Variants in SLC17A1 observed in about 807,000 individuals in gnomAD.
SLC17A1 encodes solute carrier family 17 member 1, also known as sodium-dependent phosphate transport protein 1.
A neutral mutation model predicts 53.5 loss-of-function variants in SLC17A1; 51 were observed. The ratio of observed to expected loss-of-function variants is 0.95; its 90% CI spans 0.76 to 1.20. SLC17A1 has a LOEUF of 1.20. Among genes scored for constraint, SLC17A1 ranks in the 50% most tolerant of loss-of-function variants. The pLI is 0.00. For missense variants in SLC17A1, 538 were observed against 568.2 expected (o/e 0.95, Z 0.54); for synonymous variants, 179 against 198.8 (o/e 0.90, Z 0.84).
chr6:25,750,220 G>A, the SLC17A1 span, among the ~76,000 whole-genome samples: 18 of 152,148 alleles, frequency 1.2e-4, no homozygotes, highest in South Asian at 8.3e-4. Flanking sequence ...ATTTGCATAG[G>A]TGAAACATTT....
the SLC17A1 span, among the ~76,000 whole-genome samples, chr6:25,728,486 A>C: frequency 2.0e-5 from 3 of 152,088 alleles, no homozygotes; most frequent in African/African-American, 7.2e-5. Flanking sequence ...TCTTTTAACA[A>C]AATTTTGGAT....
intron 6 of SLC17A1, 51 bp from the exon 7 acceptor site, chr6:25,813,264 T>A: frequency 4.9e-6 from 7 of 1,430,086 alleles, no homozygotes; most frequent in Non-Finnish European, 6.9e-6. Context: ...GTAGTGGATC[T>A]CTTTCCCAGA....
chr6:25,812,179 T>C (rs371627639), intron 8 of SLC17A1, among the ~76,000 whole-genome samples: 8 of 152,094 alleles, frequency 5.3e-5, no homozygotes, highest in African/African-American at 1.4e-4. Flanking sequence ...AAGTATAAAA[T>C]TGAGTCAGAG....
the SLC17A1 span, among the ~76,000 whole-genome samples, chr6:25,728,736 C>T: frequency 6.6e-6 from 1 of 152,192 alleles, no homozygotes; most frequent in South Asian, 2.1e-4. Flanking sequence ...ATCCCTTGAA[C>T]CCGGGAGGCG....
chr6:25,802,719 G>A (rs1159269983), intron 10 of SLC17A1, among the ~76,000 whole-genome samples: 4 of 151,852 alleles, frequency 2.6e-5, no homozygotes, highest in African/African-American at 7.3e-5. Flanking sequence ...CTGTTAAGAA[G>A]GCAGATGTCA....
chr6:25,772,339 G>A, the SLC17A1 span, among the ~76,000 whole-genome samples: 16 of 151,936 alleles, frequency 1.1e-4, no homozygotes, highest in Non-Finnish European at 1.8e-4. Flanking sequence ...CTATCCCTCC[G>A]CACTTGATTA....
chr6:25,726,799 G>A, the SLC17A1 span: 30 of 1,345,074 alleles, frequency 2.2e-5, no homozygotes, highest in Middle Eastern at 2.2e-4. Flanking sequence ...GGCGAGACTT[G>A]GAGCTGAGGT....
chr6:25,742,203 G>A, the SLC17A1 span, among the ~76,000 whole-genome samples: 1 of 152,184 alleles, frequency 6.6e-6, no homozygotes, highest in Non-Finnish European at 1.5e-5. Flanking sequence ...CAACCAATCA[G>A]TGTTCAGCTA....
chr6:25,805,687 T>C (rs1416494834), intron 10 of SLC17A1, among the ~76,000 whole-genome samples: 1 of 151,982 alleles, frequency 6.6e-6, no homozygotes, highest in South Asian at 2.1e-4. Context: ...ATTGGAGACA[T>C]TGTAACTAAT....
At chr6:25,827,944 T>C (rs1448204930) in intron 2 of SLC17A1, among the ~76,000 whole-genome samples, 2 of 152,102 alleles carry the variant, frequency 1.3e-5, no homozygotes, top group Non-Finnish European at 2.9e-5. Context: ...TCAGCTCAAG[T>C]TCAAAACCTC....
rs1764440538 is a variant in SLC17A1 at position 25,818,595 on chromosome 6, G to T, written c.616+473C>A. On this transcript the variant is annotated intron_variant, in intron 6 of 12. Coordinates refer to ENST00000244527, the MANE Select transcript of SLC17A1 (RefSeq NM_005074.5). The stretch of plus-strand genomic sequence containing the variant: ...ACAAACCTGAAACCAAGATCAGAGA[G>T]CCGAAAGTGATTTTATCACTTATTT... Among the ~76,000 whole-genome samples, 3 of 152,270 alleles carry T rather than the reference G, an allele frequency of 2.0e-5. No individual in the cohort carries two copies. The South Asian group carries it at 6.2e-4, about 32-fold the overall frequency.
chr6:25,744,057 G>A, the SLC17A1 span, among the ~76,000 whole-genome samples: 1 of 152,142 alleles, frequency 6.6e-6, no homozygotes, highest in African/African-American at 2.4e-5. Context: ...AAGGCACTAG[G>A]GTGTGGCCAG....
At chr6:25,731,261 A>G in the SLC17A1 span, among the ~76,000 whole-genome samples, 1 of 152,204 alleles carries the variant, frequency 6.6e-6, no homozygotes, top group African/African-American at 2.4e-5. Flanking sequence ...AAAAAGCACA[A>G]GAGATGCTGC....
chr6:25,790,177 AT>A (rs1763471684), intron 12 of SLC17A1, among the ~76,000 whole-genome samples: 1 of 152,188 alleles, frequency 6.6e-6, no homozygotes, highest in Non-Finnish European at 1.5e-5. Context: ...GTTCAACTCA[AT>A]GGTTATAATG....
At chr6:25,727,253 G>A in the SLC17A1 span, 8 of 1,611,920 alleles carry the variant, frequency 5.0e-6, no homozygotes, top group African/African-American at 5.3e-5. Context: ...CTGTGTCTGA[G>A]GGCACCAAGG....
rs368987995 is a variant in SLC17A1 at position 25,811,436 on chromosome 6, C to G, written c.1140G>C (p.Leu380Phe). 1 of 1,613,798 alleles carries G rather than the reference C, an allele frequency of 6.2e-7. No individual in the cohort carries two copies. The highest frequency in any genetic ancestry group is 1.1e-5 in the South Asian group (1 of 91,034). The change falls in exon 10 of 13, where the codon TTG becomes TTC. Residue 380 changes from leucine to phenylalanine, a missense_variant. Transcript: ENST00000244527. Reference protein sequence around the residue: ...ILAGATGSFCLGGVFINGLDI... With the variant: ...ILAGATGSFCFGGVFINGLDI... ...CCAAGCCATTTATAAACACTCCACC[C>G]AAGCAAAAGCTGCCTGTTGCACCAG...
In SLC17A1 at chr6:25,813,141, A is replaced by T. The variant is rs1316057260; in HGVS notation, c.689T>A (p.Ile230Lys). 1 of 1,614,174 alleles carries T rather than the reference A, an allele frequency of 6.2e-7. No individual in the cohort carries two copies. ...GATGTATTCCTTTTCACTGATGCTT[A>T]TACATGGGTGGTCTTTGGGGTCATC... ...FYDDPKDHPC[I>K]SISEKEYITS... The change falls in exon 7 of 13, where the codon ATA becomes AAA. Residue 230 changes from isoleucine (I) to lysine (K), a missense_variant. Coordinates refer to ENST00000244527, the MANE Select transcript of SLC17A1 (RefSeq NM_005074.5).
chr6:25,823,634 A>G (rs925885464), intron 3 of SLC17A1, among the ~76,000 whole-genome samples: 1 of 151,974 alleles, frequency 6.6e-6, no homozygotes, highest in African/African-American at 2.4e-5. Context: ...AGCTGTTCAC[A>G]TCTTTTTTTT....
At chr6:25,750,422 A>G in the SLC17A1 span, among the ~76,000 whole-genome samples, 5 of 152,218 alleles carry the variant, frequency 3.3e-5, no homozygotes, top group Non-Finnish European at 7.3e-5. Context: ...ATTGAGAGAA[A>G]CTAAAAACTG....
Sources: gnomAD v4.1 joint callset for allele counts (sites outside exome capture counted in the v4.1 genomes callset) on GRCh38, gnomAD v4.1.1 for gene constraint, MANE v1.5 for transcripts, NCBI Gene and HGNC (gene_info 2026-07-23, HGNC 2026-07-21) for gene names.